AEBP2: variants seen among roughly 807,000 people sequenced by gnomAD.
AEBP2 encodes the protein AE binding protein 2, also known as zinc finger protein AEBP2.
AEBP2 carries 10 observed loss-of-function variants against 50.8 expected under a neutral mutation model. That is an observed-to-expected ratio of 0.20 (90% CI 0.12 to 0.33). The LOEUF is 0.33. AEBP2 is among the 10% of genes least tolerant of loss of function. The pLI is 1.00. For synonymous variants in AEBP2, 296 were observed against 261.3 expected, an observed-to-expected ratio of 1.13 and a Z score of -1.28; for missense variants, 570 against 688.0, an observed-to-expected ratio of 0.83 and a Z score of 1.92.
intron 5 of AEBP2, among the ~76,000 whole-genome samples, chr12:19,503,349 G>A (rs1465763072): frequency 6.6e-6 from 1 of 150,382 alleles, no homozygotes; most frequent in African/African-American, 2.5e-5. Flanking sequence ...GTGTGTGTAT[G>A]TGTGTGTGTG....
chr12:19,502,259 C>T (rs546632325), intron 5 of AEBP2, among the ~76,000 whole-genome samples: 4 of 152,142 alleles, frequency 2.6e-5, no homozygotes, highest in South Asian at 4.2e-4. Context: ...CTCAGCCTCC[C>T]GAGTAGCCGG....
intron 1 of AEBP2, among the ~76,000 whole-genome samples, chr12:19,431,750 A>T (rs1244556780): frequency 6.6e-6 from 1 of 152,182 alleles, no homozygotes; most frequent in East Asian, 1.9e-4. Context: ...CAGCTTTAAG[A>T]TCCTATCATT....
At chr12:19,409,594 G>A (rs902157058) in intron 1 of AEBP2, among the ~76,000 whole-genome samples, 1 of 152,076 alleles carries the variant, frequency 6.6e-6, no homozygotes, top group Non-Finnish European at 1.5e-5. Flanking sequence ...CACCAGCCGT[G>A]GGGGGAAATG....
chr12:19,438,297 T>A (rs1027536434), upstream of AEBP2, among the ~76,000 whole-genome samples: 6 of 152,360 alleles, frequency 3.9e-5, no homozygotes, highest in African/African-American at 1.4e-4. Flanking sequence ...TTGTTAGATC[T>A]TTATGCGATT....
At chr12:19,459,995 G>A (rs1948344313) in intron 1 of AEBP2, among the ~76,000 whole-genome samples, 1 of 152,182 alleles carries the variant, frequency 6.6e-6, no homozygotes, top group South Asian at 2.1e-4. Context: ...GCCAAGGCAG[G>A]AGGATTGCTT....
chr12:19,501,804 T>TTTTTTTTTTTTTTTTTTTTTTTTG (rs1949085062), intron 5 of AEBP2, among the ~76,000 whole-genome samples: 1 of 138,612 alleles, frequency 7.2e-6, no homozygotes. Context: ...TTTGTTTTTT[T>TTTTTTTTTTTTTTTTTTTTTTTTG]TTTTTTTTTT....
intron 5 of AEBP2, among the ~76,000 whole-genome samples, chr12:19,501,929 TAA>T (rs1253604319): frequency 6.8e-6 from 1 of 147,392 alleles, no homozygotes; most frequent in Non-Finnish European, 1.5e-5. Context: ...AGAACCACAA[TAA>T]AAATCATACA....
At chr12:19,424,686 G>C (rs1293333694) in intron 1 of AEBP2, among the ~76,000 whole-genome samples, 1 of 151,404 alleles carries the variant, frequency 6.6e-6, no homozygotes, top group Non-Finnish European at 1.5e-5. Flanking sequence ...GTGAGCCACC[G>C]CGCCCGGCCT....
Position 19,427,876 on chromosome 12 carries a change from G to T in AEBP2, c.-17+23660G>T, listed in dbSNP as rs184931243. Among the ~76,000 whole-genome samples the T allele has an allele frequency of 2.9e-3, 435 of 152,092 alleles. 1 individual carries two copies. Among genetic ancestry groups the T allele is most frequent in the African/African-American group, 9.9e-3 (411 of 41,502 alleles). On this transcript the variant is annotated intron_variant, in intron 1 of 3. Transcript: ENST00000538425. Reference sequence around the variant, plus strand: ...CTGGGAATTAAAAAAAATCACATTTGTGTGTTTATTTTACCTGCACTAATT... The same window carrying T: ...CTGGGAATTAAAAAAAATCACATTTTTGTGTTTATTTTACCTGCACTAATT...
At chr12:19,447,345 C>T (rs1439356156) in intron 1 of AEBP2, among the ~76,000 whole-genome samples, 1 of 152,204 alleles carries the variant, frequency 6.6e-6, no homozygotes, top group African/African-American at 2.4e-5. Context: ...CTTGCCCTCA[C>T]CCCAATATGG....
At chr12:19,423,064 CAAAAAAAAA>C (rs751550689) in intron 1 of AEBP2, among the ~76,000 whole-genome samples, 12 of 35,046 alleles carry the variant, frequency 3.4e-4, no homozygotes, top group Non-Finnish European at 4.7e-4. Context: ...GACTCTGTCT[CAAAAAAAAA>C]AAAAAAAAAA....
chr12:19,457,691 G>A lies in AEBP2; in HGVS notation c.672-4819G>A, dbSNP rs1948294974. On this transcript the variant is annotated intron_variant, in intron 1 of 7. Coordinates refer to ENST00000266508, the MANE Select transcript of AEBP2 (RefSeq NM_153207.5). ...GTTTTCACAACACCTGTGTTCTGGCGGCAAACCCATTGTGAAAAGAAAAAA... is the reference window on the plus strand; with the variant it reads ...GTTTTCACAACACCTGTGTTCTGGCAGCAAACCCATTGTGAAAAGAAAAAA... The A allele has an allele frequency of 1.3e-5, 16 of 1,193,282 alleles. No homozygotes were observed. In the East Asian group the frequency reaches 1.4e-4, roughly 10 times the overall value. The allele number at this position is 1,193,282 out of a possible 1,614,324, so 73.9% of individuals were successfully genotyped here.
intron 2 of AEBP2, among the ~76,000 whole-genome samples, chr12:19,463,945 C>A (rs1238458854): frequency 2.6e-5 from 4 of 152,078 alleles, no homozygotes; most frequent in African/African-American, 7.2e-5. Flanking sequence ...GGATTACAGG[C>A]GTGAGTCACC....
At chr12:19,411,666 T>C (rs1223856748) in intron 1 of AEBP2, among the ~76,000 whole-genome samples, 1 of 152,224 alleles carries the variant, frequency 6.6e-6, no homozygotes, top group East Asian at 1.9e-4. Context: ...ATTATTCTTC[T>C]CTCAGGTTCT....
At chr12:19,509,819 T>A (rs1383656284) in intron 5 of AEBP2, among the ~76,000 whole-genome samples, 6 of 118,742 alleles carry the variant, frequency 5.1e-5, no homozygotes, top group Non-Finnish European at 1.1e-4. Flanking sequence ...ATGGCTACTT[T>A]CTTTTTTTTT....
At chr12:19,508,955 A>C (rs1032481369) in intron 5 of AEBP2, 3 of 468,508 alleles carry the variant, frequency 6.4e-6, no homozygotes, top group Non-Finnish European at 1.2e-5. Flanking sequence ...TACAGCCTCT[A>C]ACAAAACAAG....
intron 1 of AEBP2, among the ~76,000 whole-genome samples, chr12:19,408,962 A>T (rs1011825065): frequency 7.9e-5 from 12 of 151,640 alleles, no homozygotes; most frequent in East Asian, 3.9e-4. Flanking sequence ...AGCAAAAAAA[A>T]TTTTTTTTTG....
intron 5 of AEBP2, among the ~76,000 whole-genome samples, chr12:19,503,302 T>A (rs1949109526): frequency 6.6e-6 from 1 of 152,004 alleles, no homozygotes; most frequent in Admixed American, 6.6e-5. Context: ...AGAGATTGTT[T>A]ACCTCCTTGG....
In AEBP2 at chr12:19,440,014, G is replaced by A. The variant is rs909222405; in HGVS notation, c.315G>A (p.Glu105=). The A allele has an allele frequency of 3.3e-6, 5 of 1,525,964 alleles. No individual in the cohort carries two copies. The highest frequency in any genetic ancestry group is 4.4e-6 in the Non-Finnish European group (5 of 1,142,562). The allele number at this position is 1,525,964 out of a possible 1,614,324, so 94.5% of individuals were successfully genotyped here. A position where few individuals can be genotyped will look rare whatever the true frequency, so the allele number is the denominator to read the frequency against. ...AAGACGAGGAGGAGGACGACGAGGA[G>A]GAGGAAGATGAGAGCAGCAGCAGCG... ...EDEDEEEDDE[E]EEDESSSSGG... The change falls in exon 1 of 8, where the codon GAG becomes GAA. Residue 105 remains glutamate, a synonymous_variant. Coordinates refer to ENST00000266508, the MANE Select transcript of AEBP2 (RefSeq NM_153207.5).
Sources: allele counts gnomAD v4.1 joint callset (sites outside exome capture counted in the v4.1 genomes callset), GRCh38; gene constraint gnomAD v4.1.1; transcripts MANE v1.5; gene names NCBI Gene and HGNC (gene_info 2026-07-23, HGNC 2026-07-21).